The following ASCC3 variants were observed in gnomAD, a reference collection of about 807,000 sequenced individuals.
ASCC3 encodes activating signal cointegrator 1 complex subunit 3, also known as ASC-1 complex subunit P200.
Under a neutral mutation model 256.3 loss-of-function variants are expected in ASCC3, and 158 were observed. That is an observed-to-expected ratio of 0.62 (90% CI 0.54 to 0.70). The LOEUF is 0.70. Among genes scored for constraint, ASCC3 ranks in the 30% least tolerant of loss-of-function variants. ASCC3 has a pLI of 0.00. For missense variants in ASCC3, 2,259 were observed against 2,626.0 expected, an observed-to-expected ratio of 0.86 and a Z score of 3.05; for synonymous variants, 948 against 883.4, an observed-to-expected ratio of 1.07 and a Z score of -1.30.
chr6:100,584,388 T>C (rs1465119830), intron 36 of ASCC3, among the ~76,000 whole-genome samples: 2 of 151,770 alleles, frequency 1.3e-5, no homozygotes, highest in Non-Finnish European at 2.9e-5. Context: ...AAGTCTGTTT[T>C]ATCAGAGACT....
intron 4 of ASCC3, among the ~76,000 whole-genome samples, chr6:100,807,137 T>G (rs1770224414): frequency 6.6e-6 from 1 of 151,820 alleles, no homozygotes; most frequent in Admixed American, 6.6e-5. Flanking sequence ...GAATATGCAA[T>G]ATATTGTAAT....
chr6:100,667,713 A>G (rs1186871236), intron 14 of ASCC3, among the ~76,000 whole-genome samples: 1 of 152,128 alleles, frequency 6.6e-6, no homozygotes, highest in African/African-American at 2.4e-5. Context: ...TGCACTGAAT[A>G]TACGATAAGG....
intron 36 of ASCC3, among the ~76,000 whole-genome samples, chr6:100,575,188 A>C (rs1357797625): frequency 6.6e-6 from 1 of 151,772 alleles, no homozygotes; most frequent in Non-Finnish European, 1.5e-5. Context: ...CCTTTCTTTC[A>C]TTTTTCCTTT....
intron 16 of ASCC3, among the ~76,000 whole-genome samples, chr6:100,660,127 T>C (rs1776122422): frequency 6.6e-6 from 1 of 151,642 alleles, no homozygotes; most frequent in South Asian, 2.1e-4. Flanking sequence ...TATATATTAA[T>C]ATAGGGAAAT....
At chr6:100,745,835 G>A (rs192339891) in intron 10 of ASCC3, among the ~76,000 whole-genome samples, 29 of 152,198 alleles carry the variant, frequency 1.9e-4, no homozygotes, top group African/African-American at 6.5e-4. Flanking sequence ...TGAGGGATAC[G>A]TGGCAGGTTT....
At chr6:100,869,612 C>T (rs1246164190) in intron 1 of ASCC3, among the ~76,000 whole-genome samples, 1 of 151,970 alleles carries the variant, frequency 6.6e-6, no homozygotes, top group Non-Finnish European at 1.5e-5. Context: ...GAAGAAATAA[C>T]CCATGCATGC....
chr6:100,534,418 A>G (rs1314584568), intron 37 of ASCC3, among the ~76,000 whole-genome samples: 1 of 152,212 alleles, frequency 6.6e-6, no homozygotes, highest in African/African-American at 2.4e-5. Context: ...TAATTTTTCC[A>G]TAAGAGCTAA....
intron 13 of ASCC3, among the ~76,000 whole-genome samples, chr6:100,688,819 T>C (rs781690743): frequency 3.9e-5 from 6 of 152,074 alleles, no homozygotes; most frequent in Non-Finnish European, 5.9e-5. Flanking sequence ...AGGAAGATGA[T>C]GAACACAGAA....
intron 10 of ASCC3, among the ~76,000 whole-genome samples, chr6:100,727,401 T>C (rs958193507): frequency 2.6e-5 from 4 of 151,904 alleles, no homozygotes; most frequent in African/African-American, 9.7e-5. Context: ...ATGAGAGAGA[T>C]CATAAAATCT....
intron 20 of ASCC3, among the ~76,000 whole-genome samples, chr6:100,648,219 A>T (rs1216031563): frequency 6.6e-6 from 1 of 152,026 alleles, no homozygotes. Context: ...ATAGAAAGTT[A>T]TAATGAATGT....
At position 100,617,480 on chromosome 6, in the gene ASCC3, T is replaced by C. The variant is rs144359968; in HGVS notation, c.4785+7712A>G. Among the ~76,000 whole-genome samples, 160 of 152,330 alleles carry C rather than the reference T, an allele frequency of 1.1e-3. 1 individual carries two copies. Among genetic ancestry groups the C allele is most frequent in the African/African-American group, 2.8e-3 (116 of 41,574 alleles). On this transcript the variant is annotated intron_variant, in intron 30 of 41. Coordinates refer to ENST00000369162, the MANE Select transcript of ASCC3 (RefSeq NM_006828.4). ...AAGCTGACAGATCATACTTGCTAGA[T>C]GTTAAATTATAATATTAATTAAATT...
intron 36 of ASCC3, among the ~76,000 whole-genome samples, chr6:100,546,147 T>A (rs753133802): frequency 6.6e-6 from 1 of 152,158 alleles, no homozygotes; most frequent in Non-Finnish European, 1.5e-5. Flanking sequence ...GAATTCATGA[T>A]AACATTATAT....
At chr6:100,525,999 G>T (rs1774561750) in intron 37 of ASCC3, among the ~76,000 whole-genome samples, 1 of 152,072 alleles carries the variant, frequency 6.6e-6, no homozygotes, top group African/African-American at 2.4e-5. Flanking sequence ...CAGGTCACTT[G>T]CAAGTAATGA....
intron 36 of ASCC3, among the ~76,000 whole-genome samples, chr6:100,585,503 A>C (rs12206182): frequency 0.44 from 66,419 of 151,836 alleles, 14,779 homozygotes; most frequent in South Asian, 0.62. Flanking sequence ...CAAAGTTTTC[A>C]GTTTCTTTGC....
At chr6:100,856,880 AAAT>A (rs1321992058) in intron 3 of ASCC3, 3 of 152,154 alleles carry the variant, frequency 2.0e-5, no homozygotes, top group African/African-American at 7.2e-5. Flanking sequence ...AGGCTATCAC[AAAT>A]AATGTTGCAA....
intron 30 of ASCC3, among the ~76,000 whole-genome samples, chr6:100,610,475 T>C (rs1167969415): frequency 6.6e-6 from 1 of 152,148 alleles, no homozygotes; most frequent in Non-Finnish European, 1.5e-5. Flanking sequence ...GTTTTATACT[T>C]ATAATAATCC....
Position 100,606,670 on chromosome 6 carries a change from A to G in ASCC3, c.5044+70T>C, listed in dbSNP as rs939020660. ...GTTTAATTGGTGGAAATTCAAATTAATTATTCAAATTCAAATTTACTCAGG... is the reference window on the plus strand; with the variant it reads ...GTTTAATTGGTGGAAATTCAAATTAGTTATTCAAATTCAAATTTACTCAGG... On this transcript the variant is annotated intron_variant, in intron 32 of 41. Coordinates refer to ENST00000369162, the MANE Select transcript of ASCC3 (RefSeq NM_006828.4). 1.8e-5 allele frequency: 26 copies of G among 1,467,538 alleles called. No individual in the cohort carries two copies. In the African/African-American group the frequency reaches 3.4e-4, roughly 19 times the overall value. The allele number at this position is 1,467,538 out of a possible 1,614,324, so 90.9% of individuals were successfully genotyped here. A position where few individuals can be genotyped will look rare whatever the true frequency, so the allele number is the denominator to read the frequency against.
chr6:100,869,814 C>A (rs1012713115), intron 1 of ASCC3, among the ~76,000 whole-genome samples: 1 of 152,128 alleles, frequency 6.6e-6, no homozygotes, highest in Non-Finnish European at 1.5e-5. Context: ...AGGATAAGAT[C>A]TTCCTGCAAA....
At chr6:100,858,717 C>T in intron 3 of ASCC3, 10 of 1,037,590 alleles carry the variant, frequency 9.6e-6, no homozygotes, top group Non-Finnish European at 1.2e-5. Flanking sequence ...TCATGAGATA[C>T]CACTATATAT....
Sources: gnomAD v4.1 joint callset for allele counts (sites outside exome capture counted in the v4.1 genomes callset) on GRCh38, gnomAD v4.1.1 for gene constraint, MANE v1.5 for transcripts, NCBI Gene and HGNC (gene_info 2026-07-23, HGNC 2026-07-21) for gene names.